The following MBD5 variants were observed in gnomAD, a reference collection of about 807,000 sequenced individuals.
MBD5 encodes methyl-CpG binding domain protein 5.
A neutral mutation model predicts 117.3 loss-of-function variants in MBD5; 13 were observed. The ratio of observed to expected loss-of-function variants is 0.11; its 90% CI spans 0.07 to 0.18. The LOEUF (loss-of-function observed/expected upper bound fraction) is 0.18. Among genes scored for constraint, MBD5 ranks in the 10% least tolerant of loss-of-function variants. The probability of loss-of-function intolerance (pLI) is 1.00; values close to 1 mark genes in which losing one functional copy is unlikely to be tolerated. For synonymous variants in MBD5, 727 were observed against 766.4 expected, an observed-to-expected ratio of 0.95 and a Z score of 0.85; for missense variants, 1,879 against 2,093.8, an observed-to-expected ratio of 0.90 and a Z score of 2.00.
In MBD5 at chr2:148,106,893, T is replaced by C. The variant is rs145970528; in HGVS notation, c.-924-71807T>C. On this transcript the variant is annotated intron_variant, in intron 1 of 13. Transcript: ENST00000642680. ...ATTTTAACAATGTAATAAATAATTA[T>C]TGTTTTATAACATTTATATTCCTTA... 9.1e-4 allele frequency among the ~76,000 whole-genome samples: 139 copies of C among 152,204 alleles called. 6 individuals carry two copies. In the East Asian group the frequency reaches 0.026, roughly 28 times the overall value.
chr2:148,453,057 G>C (rs981090206), intron 4 of MBD5, among the ~76,000 whole-genome samples: 1 of 152,148 alleles, frequency 6.6e-6, no homozygotes, highest in South Asian at 2.1e-4. Context: ...ATGATACCAG[G>C]AACTGGGAAT....
At chr2:148,095,096 T>C (rs1376386379) in intron 1 of MBD5, among the ~76,000 whole-genome samples, 1 of 152,178 alleles carries the variant, frequency 6.6e-6, no homozygotes, top group Non-Finnish European at 1.5e-5. Flanking sequence ...TCACTAAATA[T>C]AGTTAAAAGA....
At chr2:148,176,417 T>TC (rs1483135076) in intron 1 of MBD5, among the ~76,000 whole-genome samples, 6 of 145,960 alleles carry the variant, frequency 4.1e-5, no homozygotes, top group African/African-American at 1.0e-4. Context: ...CTTTTTTTTT[T>TC]TTTTTGAGAC....
intron 2 of MBD5, among the ~76,000 whole-genome samples, chr2:148,231,705 G>T (rs1444564558): frequency 2.0e-5 from 3 of 152,190 alleles, no homozygotes; most frequent in Admixed American, 1.3e-4. Context: ...TAACATGTTT[G>T]ACTTCAGGGT....
intron 3 of MBD5, among the ~76,000 whole-genome samples, chr2:148,328,281 C>T (rs1346175967): frequency 1.3e-5 from 2 of 152,166 alleles, no homozygotes; most frequent in Non-Finnish European, 2.9e-5. Flanking sequence ...GCAGAGGTTA[C>T]TGCTGTCTTT....
intron 1 of MBD5, among the ~76,000 whole-genome samples, chr2:148,046,054 G>A (rs978835457): frequency 7.1e-5 from 10 of 141,756 alleles, no homozygotes; most frequent in African/African-American, 2.7e-4. Context: ...TGCAATCTCG[G>A]CTCACCACAA....
Position 148,469,654 on chromosome 2 carries a change from G to T in MBD5, c.1711G>T (p.Ala571Ser), listed in dbSNP as rs1680724999. Residue 571 changes from alanine (A) to serine (S), a missense_variant, in exon 8 of 14, where the codon GCT (alanine) becomes TCT (serine). Physicochemically the swap from Ala to Ser is moderately conservative, Grantham distance 99 (BLOSUM62 1). Transcript: ENST00000642680. ...AAATCAGATCTTGAACCAGCACAAT[G>T]CTGCCTCCTTTCCAGCAAGTAGTTT... ...PLNQILNQHN[A>S]ASFPASSLLS... 6.2e-7 allele frequency: 1 copy of T among 1,613,858 alleles called. No homozygotes were observed. Among genetic ancestry groups the T allele is most frequent in the Non-Finnish European group, 8.5e-7 (1 of 1,179,912 alleles).
At position 148,489,727 on chromosome 2, in the gene MBD5, C is replaced by A. The variant is rs1416270873; in HGVS notation, c.4095C>A (p.Asp1365Glu). 3.1e-6 allele frequency: 5 copies of A among 1,614,024 alleles called. No homozygotes were observed. The change falls in exon 11 of 14, where the codon GAC becomes GAA. Residue 1365 changes from aspartate to glutamate, a missense_variant. Asp to Glu is a conservative substitution (Grantham distance 45, BLOSUM62 2). Coordinates refer to ENST00000642680, the MANE Select transcript of MBD5 (RefSeq NM_001378120.1). ...AMSAFTASIG[D>E]PLNLSSAVSA... is the part of the protein sequence containing the mutation. ...GTGCCTTCACTGCCTCAATTGGTGA[C>A]CCATTAAATCTCTCCAGTGCTGTCA...
rs886054915 is a variant in MBD5 at position 148,513,170 on chromosome 2, G to T, written c.*229G>T. ...CTCTGTGTGATGAGAGTGATCAATGGTCAAGAGATTACTGAGAAACTCTTT... is the reference window on the plus strand; with the variant it reads ...CTCTGTGTGATGAGAGTGATCAATGTTCAAGAGATTACTGAGAAACTCTTT... On this transcript the variant is annotated 3_prime_UTR_variant, in exon 14 of 14. Coordinates refer to ENST00000642680, the MANE Select transcript of MBD5 (RefSeq NM_001378120.1). The T allele has an allele frequency of 5.7e-6, 3 of 529,368 alleles. No individual in the cohort carries two copies. The highest frequency in any genetic ancestry group is 6.2e-5 in the East Asian group (2 of 32,062). The allele number at this position is 529,368 out of a possible 1,614,324, so 32.8% of individuals were successfully genotyped here. A position where few individuals can be genotyped will look rare whatever the true frequency, so the allele number is the denominator to read the frequency against.
At chr2:148,473,659 T>G (rs1187111163) in intron 8 of MBD5, among the ~76,000 whole-genome samples, 1 of 152,176 alleles carries the variant, frequency 6.6e-6, no homozygotes, top group Non-Finnish European at 1.5e-5. Context: ...ATCCAAATAT[T>G]GATTTTTAGG....
At chr2:148,068,050 T>C (rs1489036467) in intron 1 of MBD5, among the ~76,000 whole-genome samples, 5 of 152,238 alleles carry the variant, frequency 3.3e-5, no homozygotes, top group Non-Finnish European at 1.5e-5. Flanking sequence ...TGGTGACTTA[T>C]AAGTGGACAT....
At chr2:148,299,313 A>G (rs907961782) in intron 3 of MBD5, among the ~76,000 whole-genome samples, 2 of 151,958 alleles carry the variant, frequency 1.3e-5, no homozygotes, top group African/African-American at 4.8e-5. Context: ...TTTTTAGTAG[A>G]GACAGGTTTC....
intron 4 of MBD5, among the ~76,000 whole-genome samples, chr2:148,369,632 T>C (rs988314043): frequency 2.0e-5 from 3 of 152,202 alleles, no homozygotes; most frequent in African/African-American, 7.2e-5. Flanking sequence ...TGTGTTTGAA[T>C]ATATACTGAA....
chr2:148,488,598 A>C (rs182290724), intron 10 of MBD5, among the ~76,000 whole-genome samples: 57 of 142,474 alleles, frequency 4.0e-4, no homozygotes, highest in African/African-American at 1.4e-3. Context: ...TGTGGAAAAA[A>C]ATCTGAAAGT....
chr2:148,075,547 A>G (rs1368367789), intron 1 of MBD5, among the ~76,000 whole-genome samples: 1 of 152,156 alleles, frequency 6.6e-6, no homozygotes, highest in Non-Finnish European at 1.5e-5. Context: ...TCACACTTCT[A>G]AAAAATTAGA....
chr2:148,484,105 C>G lies in MBD5; in HGVS notation c.3514C>G (p.Leu1172Val). The change falls in exon 9 of 14, where the codon CTT becomes GTT. Residue 1172 changes from leucine (L) to valine (V), a missense_variant. Leu to Val is a conservative substitution (Grantham distance 32, BLOSUM62 1). Transcript: ENST00000642680. ...LNSNSVVPQL[L>V]NPLLGTGLLG... Reference sequence around the variant, plus strand: ...CAGTAACTCTGTGGTGCCACAGCTACTTAACCCTCTACTGGGGACAGGTCT... The same window carrying G: ...CAGTAACTCTGTGGTGCCACAGCTAGTTAACCCTCTACTGGGGACAGGTCT... 6.5e-7 allele frequency: 1 copy of G among 1,532,594 alleles called. No individual in the cohort carries two copies. 94.9% of individuals were successfully genotyped at this position (1,532,594 alleles called of 1,614,324 possible).
At chr2:148,467,235 G>A (rs1574457346) in intron 7 of MBD5, among the ~76,000 whole-genome samples, 1 of 152,098 alleles carries the variant, frequency 6.6e-6, no homozygotes, top group African/African-American at 2.4e-5. Flanking sequence ...ATTTTAAAAG[G>A]CATAACTTTA....
chr2:148,447,809 T>G (rs934535516), intron 4 of MBD5: 4 of 152,152 alleles, frequency 2.6e-5, no homozygotes, highest in Non-Finnish European at 5.9e-5. Flanking sequence ...TTTACTTATA[T>G]TATTATTCTT....
Position 148,483,414 on chromosome 2 carries a change from C to G in MBD5, c.2823C>G (p.Ile941Met), listed in dbSNP as rs765064775. ...QHLLNQNLLNILQPSAGEGKS... is the reference protein window; with the variant it reads ...QHLLNQNLLNMLQPSAGEGKS... ...TCCTAAACCAGAATCTATTAAATAT[C>G]CTCCAGCCTTCAGCAGGAGAAGGCA... The change falls in exon 9 of 14, where the codon ATC becomes ATG. Residue 941 changes from isoleucine (I) to methionine (M), a missense_variant. By Grantham distance (10) the Ile-to-Met change is conservative. This residue lies in a region of MBD5 where 1,666 missense variants were observed against 1,792.2 expected (regional missense o/e 0.93). Transcript: ENST00000642680. 6.2e-7 allele frequency: 1 copy of G among 1,613,918 alleles called. No individual in the cohort carries two copies. The highest frequency in any genetic ancestry group is 1.3e-5 in the African/African-American group (1 of 74,924).
Sources: allele counts gnomAD v4.1 joint callset (sites outside exome capture counted in the v4.1 genomes callset), GRCh38; gene constraint gnomAD v4.1.1; regional missense constraint gnomAD v4.1.1; transcripts MANE v1.5; gene names NCBI Gene and HGNC (gene_info 2026-07-23, HGNC 2026-07-21).